The following SDCCAG8 variants were observed in gnomAD, a reference collection of about 807,000 sequenced individuals.
The protein encoded by SDCCAG8 is SHH signaling and ciliogenesis regulator SDCCAG8.
In SDCCAG8, 74 loss-of-function variants were observed where a neutral mutation model predicts 101.8. The ratio of observed to expected loss-of-function variants is 0.73; its 90% CI spans 0.60 to 0.88. SDCCAG8 has a LOEUF of 0.88. Among genes scored for constraint, SDCCAG8 ranks in the 40% least tolerant of loss-of-function variants. SDCCAG8 has a pLI of 0.00. For synonymous variants in SDCCAG8, 281 were observed against 292.9 expected, an observed-to-expected ratio of 0.96 and a Z score of 0.41; for missense variants, 787 against 822.6, an observed-to-expected ratio of 0.96 and a Z score of 0.53.
At chr1:243,484,701 A>G (rs1664422340) in intron 16 of SDCCAG8, among the ~76,000 whole-genome samples, 1 of 152,070 alleles carries the variant, frequency 6.6e-6, no homozygotes, top group Non-Finnish European at 1.5e-5. Flanking sequence ...GAGAGCCGGG[A>G]GCATTTGTCA....
At chr1:243,492,899 C>A (rs531010106) in intron 17 of SDCCAG8, among the ~76,000 whole-genome samples, 2 of 152,072 alleles carry the variant, frequency 1.3e-5, no homozygotes, top group South Asian at 4.1e-4. Flanking sequence ...GAGCTTTGCC[C>A]GGCCTCTTGG....
At chr1:243,486,202 CAA>C (rs57724631) in intron 16 of SDCCAG8, among the ~76,000 whole-genome samples, 834 of 61,346 alleles carry the variant, frequency 0.014, 5 homozygotes, top group Middle Eastern at 0.026. Flanking sequence ...ACTCTGCCTC[CAA>C]AAAAAAAAAA....
Position 243,489,090 on chromosome 1 carries a change from CT to C in SDCCAG8, c.2063del (p.Leu688ProfsTer33), listed in dbSNP as rs1006790458. On this transcript the variant is annotated frameshift_variant, in exon 17 of 18. Coordinates refer to ENST00000366541, the MANE Select transcript of SDCCAG8 (RefSeq NM_006642.5). LOFTEE classifies it high-confidence loss of function. ...VQLLSKQNQL[L>X]LERQSLSEEV... ...GCTCCTCAGCAAGCAGAACCAGCTT[CT>C]CCTGGAGAGGCAGAGCCTGTCGGAA... 1 of 1,613,266 alleles carries C rather than the reference CT, an allele frequency of 6.2e-7. No homozygotes were observed. The highest frequency in any genetic ancestry group is 1.3e-5 in the African/African-American group (1 of 74,946).
At chr1:243,375,338 C>T (rs2077538220) in intron 12 of SDCCAG8, among the ~76,000 whole-genome samples, 1 of 151,952 alleles carries the variant, frequency 6.6e-6, no homozygotes, top group African/African-American at 2.4e-5. Context: ...TTGTTATGAG[C>T]CATTTAATAC....
rs74162272 is a variant in SDCCAG8, at chr1:243,294,506, C to CGAGAGA, written c.675+1302_675+1307dup. ...GGGAGAGAGAGAGAGAGAGAAAGAG[C>CGAGAGA]GAGAGAGAGAGAGAGAGAGAACAAC... On this transcript the variant is annotated intron_variant, in intron 6 of 17. Transcript: ENST00000366541. Among the ~76,000 whole-genome samples, 110 of 105,932 alleles carry CGAGAGA rather than the reference C, an allele frequency of 1.0e-3. 7 individuals carry two copies. Among genetic ancestry groups the CGAGAGA allele is most frequent in the Admixed American group, 2.0e-3 (17 of 8,446 alleles). 69.5% of individuals were successfully genotyped at this position (105,932 alleles called of 152,430 possible). A position where few individuals can be genotyped will look rare whatever the true frequency, so the allele number is the denominator to read the frequency against.
chr1:243,495,450 G>C (rs1387812360), intron 17 of SDCCAG8, among the ~76,000 whole-genome samples: 4 of 152,236 alleles, frequency 2.6e-5, no homozygotes, highest in Non-Finnish European at 1.5e-5. Context: ...CTGCGGTGTG[G>C]AGGCTGTTAT....
chr1:243,438,413 T>A (rs1268025258), intron 16 of SDCCAG8, among the ~76,000 whole-genome samples: 1 of 152,142 alleles, frequency 6.6e-6, no homozygotes, highest in Non-Finnish European at 1.5e-5. Flanking sequence ...TTTTGGAATT[T>A]ACATCAGCTA....
chr1:243,374,620 T>C (rs148292814), intron 12 of SDCCAG8, among the ~76,000 whole-genome samples: 37 of 152,180 alleles, frequency 2.4e-4, no homozygotes, highest in African/African-American at 8.9e-4. Flanking sequence ...ACACATACAA[T>C]AATAGCATTT....
chr1:243,267,643 A>G (rs2067732774), intron 1 of SDCCAG8: 1 of 739,166 alleles, frequency 1.4e-6, no homozygotes, highest in Non-Finnish European at 2.5e-6. Flanking sequence ...TGTGGGCACA[A>G]TGTAACACTT....
intron 12 of SDCCAG8, among the ~76,000 whole-genome samples, chr1:243,377,366 T>C (rs2077657440): frequency 6.6e-6 from 1 of 151,972 alleles, no homozygotes; most frequent in African/African-American, 2.4e-5. Context: ...AATTATGAAA[T>C]TGGAAATATA....
intron 3 of SDCCAG8, among the ~76,000 whole-genome samples, chr1:243,273,190 G>A (rs1472968914): frequency 2.0e-5 from 3 of 152,086 alleles, no homozygotes; most frequent in Admixed American, 2.0e-4. Context: ...AAAAACCAAA[G>A]CTCTATTTTA....
intron 12 of SDCCAG8, among the ~76,000 whole-genome samples, chr1:243,357,565 A>C (rs997446393): frequency 6.6e-6 from 1 of 152,228 alleles, no homozygotes; most frequent in Non-Finnish European, 1.5e-5. Flanking sequence ...TGAGACTGTG[A>C]GTCAGCTGGG....
intron 13 of SDCCAG8, among the ~76,000 whole-genome samples, chr1:243,412,596 CT>C (rs989413689): frequency 1.1e-4 from 16 of 147,912 alleles, no homozygotes; most frequent in Non-Finnish European, 1.8e-4. Context: ...TTTTCTTTTC[CT>C]TTTTTTTTTC....
At chr1:243,330,826 G>A (rs991248833) in intron 10 of SDCCAG8, 134 bp downstream of exon 10, 101 of 792,290 alleles carry the variant, frequency 1.3e-4, no homozygotes, top group Middle Eastern at 7.3e-4. Context: ...GTTAAATTTC[G>A]TATAATTTAG....
chr1:243,332,397 G>C (rs2074670676), intron 10 of SDCCAG8, among the ~76,000 whole-genome samples: 1 of 152,222 alleles, frequency 6.6e-6, no homozygotes, highest in South Asian at 2.1e-4. Context: ...ATAGATGCCT[G>C]GAGATCAGCT....
At chr1:243,476,489 C>G (rs1226166340) in intron 16 of SDCCAG8, 1 of 462,304 alleles carries the variant, frequency 2.2e-6, no homozygotes, top group Non-Finnish European at 2.8e-6. Context: ...AGGAAGACCT[C>G]ACCACAGTGT....
chr1:243,336,123 T>C (rs976007633), intron 10 of SDCCAG8, among the ~76,000 whole-genome samples: 2 of 152,242 alleles, frequency 1.3e-5, no homozygotes, highest in South Asian at 4.1e-4. Context: ...GTCTTTTTGG[T>C]AAGACAATTT....
chr1:243,283,889 C>T (rs1045343351), intron 4 of SDCCAG8, among the ~76,000 whole-genome samples: 4 of 152,090 alleles, frequency 2.6e-5, no homozygotes, highest in Non-Finnish European at 5.9e-5. Flanking sequence ...AACAGGCATG[C>T]ACCACCACCC....
chr1:243,493,119 G>C (rs1666968200), intron 17 of SDCCAG8, among the ~76,000 whole-genome samples: 1 of 151,880 alleles, frequency 6.6e-6, no homozygotes, highest in Admixed American at 6.6e-5. Flanking sequence ...AGGGCCTCCA[G>C]ACACACACCC....
Sources: allele counts gnomAD v4.1 joint callset (sites outside exome capture counted in the v4.1 genomes callset), GRCh38; gene constraint gnomAD v4.1.1; transcripts MANE v1.5; gene names NCBI Gene and HGNC (gene_info 2026-07-23, HGNC 2026-07-21).